Variants in STXBP5 observed in about 807,000 individuals in gnomAD.
STXBP5 encodes the protein syntaxin-binding protein 5.
In STXBP5, 50 loss-of-function variants were observed where a neutral mutation model predicts 152.4. The ratio of observed to expected loss-of-function variants is 0.33; its 90% CI spans 0.26 to 0.42. STXBP5 has a LOEUF of 0.42. Among genes scored for constraint, STXBP5 ranks in the 10% least tolerant of loss-of-function variants. The pLI, the probability that STXBP5 is intolerant of heterozygous loss-of-function variation, is 1.00. For synonymous variants in STXBP5, 492 were observed against 494.7 expected (o/e 0.99, Z 0.07); for missense variants, 1,167 against 1,388.6 (o/e 0.84, Z 2.54).
chr6:147,231,606 C>T (rs547381071), intron 2 of STXBP5, among the ~76,000 whole-genome samples: 1 of 151,926 alleles, frequency 6.6e-6, no homozygotes, highest in Admixed American at 6.6e-5. Context: ...ATTTACCTTT[C>T]CCTTATAATT....
chr6:147,229,125 C>T (rs559061963), intron 2 of STXBP5, among the ~76,000 whole-genome samples: 56 of 152,016 alleles, frequency 3.7e-4, no homozygotes, highest in African/African-American at 1.3e-3. Context: ...GTTTTTTTCT[C>T]CTCCTGTGCT....
chr6:147,299,786 A>G (rs1781713798), intron 9 of STXBP5, among the ~76,000 whole-genome samples: 1 of 152,060 alleles, frequency 6.6e-6, no homozygotes, highest in East Asian at 1.9e-4. Context: ...CACTTTCACC[A>G]GTTCTGTCCA....
At position 147,385,619 on chromosome 6, in the gene STXBP5, A is replaced by G. The variant is rs1458640697; in HGVS notation, c.*864A>G. 1 of 152,142 alleles carries G rather than the reference A, an allele frequency of 6.6e-6. No homozygotes were observed. The highest frequency in any genetic ancestry group is 1.5e-5 in the Non-Finnish European group (1 of 68,004). 9.4% of individuals were successfully genotyped at this position (152,142 alleles called of 1,614,324 possible). ...GCTAAAGGTGGATTTGACCAAAATA[A>G]TGCTGGTTAAATTTGTAGAAATGTT... On this transcript the variant is annotated 3_prime_UTR_variant, in exon 28 of 28. Transcript: ENST00000321680.
At position 147,246,647 on chromosome 6, in the gene STXBP5, C is replaced by G. The variant is rs555930111; in HGVS notation, c.431+7377C>G. Among the ~76,000 whole-genome samples the G allele has an allele frequency of 4.6e-5, 7 of 152,008 alleles. 1 individual carries two copies. In the South Asian group the frequency reaches 1.5e-3, roughly 32 times the overall value. ...AGTCTGATTTACAGTTTCTATATGA[C>G]TTTTATTATTTGATGATAGATGCAT... On this transcript the variant is annotated intron_variant, in intron 4 of 27. Transcript: ENST00000321680.
chr6:147,315,156 C>CTTTTCTTTTTCT (rs1260131550), intron 14 of STXBP5, among the ~76,000 whole-genome samples: 1 of 152,030 alleles, frequency 6.6e-6, no homozygotes, highest in Admixed American at 6.5e-5. Context: ...GGTACTGTAT[C>CTTTTCTTTTTCT]TTTTCTAGAG....
Position 147,288,245 on chromosome 6 carries a change from A to G in STXBP5, c.839-2849A>G, listed in dbSNP as rs1169705206. On this transcript the variant is annotated intron_variant, in intron 8 of 27. Transcript: ENST00000321680. ...GAGGTCTGTGTCAAATGAGACAGCCACAGCACTTTGGGAATAGAGTTCCAG... is the reference window on the plus strand; with the variant it reads ...GAGGTCTGTGTCAAATGAGACAGCCGCAGCACTTTGGGAATAGAGTTCCAG... 2.6e-5 allele frequency among the ~76,000 whole-genome samples: 4 copies of G among 152,312 alleles called. No individual in the cohort carries two copies. The East Asian group carries it at 7.7e-4, about 29-fold the overall frequency.
chr6:147,290,281 G>A (rs1334634961), intron 8 of STXBP5, among the ~76,000 whole-genome samples: 1 of 152,048 alleles, frequency 6.6e-6, no homozygotes, highest in African/African-American at 2.4e-5. Flanking sequence ...AACAAAGAAG[G>A]TAAATATAAA....
At chr6:147,293,796 C>T (rs1209932182) in intron 9 of STXBP5, among the ~76,000 whole-genome samples, 1 of 152,154 alleles carries the variant, frequency 6.6e-6, no homozygotes, top group Non-Finnish European at 1.5e-5. Flanking sequence ...ACAACCCATA[C>T]ATATCGTTAG....
At position 147,386,764 on chromosome 6, in the gene STXBP5, A is replaced by G. The variant is rs1437043042; in HGVS notation, c.*2009A>G. 1 of 151,826 alleles carries G rather than the reference A, an allele frequency of 6.6e-6. No homozygotes were observed. Among genetic ancestry groups the G allele is most frequent in the African/African-American group, 2.4e-5 (1 of 41,432 alleles). The allele number at this position is 151,826 out of a possible 1,614,324, so 9.4% of individuals were successfully genotyped here. On this transcript the variant is annotated 3_prime_UTR_variant, in exon 28 of 28. Transcript: ENST00000321680. ...AGGTACAGTTTTGTGAATGTCATCA[A>G]TAAAATCAACAGTTATGGATTTGAA...
At chr6:147,254,235 G>A (rs1779245201) in intron 4 of STXBP5, among the ~76,000 whole-genome samples, 1 of 152,188 alleles carries the variant, frequency 6.6e-6, no homozygotes, top group African/African-American at 2.4e-5. Flanking sequence ...AAACTGGATA[G>A]CCATATGCAG....
chr6:147,312,281 T>C (rs1782422882), intron 11 of STXBP5, among the ~76,000 whole-genome samples: 1 of 152,230 alleles, frequency 6.6e-6, no homozygotes, highest in South Asian at 2.1e-4. Flanking sequence ...TTGTAACTTT[T>C]CATGGTATTT....
In STXBP5 at chr6:147,245,754, AC is replaced by A. The variant is rs1358513993; in HGVS notation, c.431+6485del. On this transcript the variant is annotated intron_variant, in intron 4 of 27. Transcript: ENST00000321680. ...TCCACATAAGAAGAGTTGAAGATACACAGACACAGAAACTCAGACAATACCA... is the reference window on the plus strand; with the variant it reads ...TCCACATAAGAAGAGTTGAAGATACAAGACACAGAAACTCAGACAATACCA... Among the ~76,000 whole-genome samples the A allele has an allele frequency of 2.0e-5, 3 of 152,330 alleles. No homozygotes were observed. The East Asian group carries it at 5.8e-4, about 29-fold the overall frequency.
rs1783980294 is a variant in STXBP5 at position 147,339,249 on chromosome 6, T to G, written c.2206+11T>G. ...ATTTTATAGAAAAGGGTATAGTATC[T>G]TGATTTTAAAGTATTTTCTTTTATG... is the stretch of plus-strand genomic sequence containing the variant. On this transcript the variant is annotated intron_variant, in intron 20 of 27. Coordinates refer to ENST00000321680, the MANE Select transcript of STXBP5 (RefSeq NM_001127715.4). 3.3e-6 allele frequency: 5 copies of G among 1,524,594 alleles called. No individual in the cohort carries two copies. The highest frequency in any genetic ancestry group is 4.4e-6 in the Non-Finnish European group (5 of 1,136,142). The allele number at this position is 1,524,594 out of a possible 1,614,324, so 94.4% of individuals were successfully genotyped here.
intron 2 of STXBP5, among the ~76,000 whole-genome samples, chr6:147,232,734 CTCAG>C (rs1778067013): frequency 1.3e-5 from 2 of 151,806 alleles, no homozygotes; most frequent in Non-Finnish European, 3.0e-5. Context: ...TTAGTAGCTA[CTCAG>C]TAAGTGGTTC....
chr6:147,365,680 G>A (rs1785258712), intron 25 of STXBP5, among the ~76,000 whole-genome samples: 1 of 152,110 alleles, frequency 6.6e-6, no homozygotes, highest in South Asian at 2.1e-4. Flanking sequence ...TTTTCTTTGG[G>A]CAATATTGAC....
rs114255336 is a variant in STXBP5, at chr6:147,263,091, T to C, written c.630+738T>C. On this transcript the variant is annotated intron_variant, in intron 6 of 27. Transcript: ENST00000321680. ...ATTTTGTGCAGGAGTTTAACCAGGG[T>C]TTTCATTTCCTCAATTGTGGGAGAG... Among the ~76,000 whole-genome samples, 1,237 of 151,900 alleles carry C rather than the reference T, an allele frequency of 8.1e-3. 19 individuals carry two copies. Among genetic ancestry groups the C allele is most frequent in the African/African-American group, 0.029 (1,188 of 41,498 alleles).
At chr6:147,318,917 A>G (rs530163503) in intron 16 of STXBP5, among the ~76,000 whole-genome samples, 47 of 152,226 alleles carry the variant, frequency 3.1e-4, no homozygotes, top group African/African-American at 1.1e-3. Context: ...AACTTACTGA[A>G]TTTAATCAAC....
At position 147,239,357 on chromosome 6, in the gene STXBP5, G is replaced by A. The variant is rs1582826841; in HGVS notation, c.431+87G>A. 1.4e-5 allele frequency: 16 copies of A among 1,122,482 alleles called. No homozygotes were observed. The East Asian group carries it at 3.5e-4, about 25-fold the overall frequency. The allele number at this position is 1,122,482 out of a possible 1,614,324, so 69.5% of individuals were successfully genotyped here. On this transcript the variant is annotated intron_variant, in intron 4 of 27. Coordinates refer to ENST00000321680, the MANE Select transcript of STXBP5 (RefSeq NM_001127715.4). ...AGTCTTTGATTTTTTGTGTGTGATG[G>A]ACCTTATGCACAATCTAAAAACTGA...
chr6:147,360,805 T>A (rs1785031749), intron 23 of STXBP5, among the ~76,000 whole-genome samples: 1 of 152,158 alleles, frequency 6.6e-6, no homozygotes, highest in African/African-American at 2.4e-5. Context: ...AGGAGATAAC[T>A]GAGAATTCTG....
Sources: allele counts gnomAD v4.1 joint callset (sites outside exome capture counted in the v4.1 genomes callset), GRCh38; gene constraint gnomAD v4.1.1; transcripts MANE v1.5; gene names NCBI Gene and HGNC (gene_info 2026-07-23, HGNC 2026-07-21).